The following KDM4C variants were observed in gnomAD, a reference collection of about 807,000 sequenced individuals.
The protein encoded by KDM4C is lysine demethylase 4C.
Under a neutral mutation model 129.3 loss-of-function variants are expected in KDM4C, and 81 were observed. That is an observed-to-expected ratio of 0.63 (90% CI 0.52 to 0.75). The LOEUF is 0.75. Ranked by LOEUF, KDM4C falls within the 30% of genes least tolerant of loss-of-function variation. The pLI, the probability that KDM4C is intolerant of heterozygous loss-of-function variation, is 0.00. For missense variants in KDM4C, 1,457 were observed against 1,304.0 expected (o/e 1.12, Z -1.81); for synonymous variants, 573 against 456.1 (o/e 1.26, Z -3.26).
intron 18 of KDM4C, among the ~76,000 whole-genome samples, chr9:7,120,057 A>G (rs1839328576): frequency 6.6e-6 from 1 of 151,968 alleles, no homozygotes; most frequent in Non-Finnish European, 1.5e-5. Flanking sequence ...ACCCCATCCC[A>G]TTCTAGTATT....
upstream of KDM4C, among the ~76,000 whole-genome samples, chr9:6,754,604 G>A (rs1321587294): frequency 2.0e-5 from 3 of 152,164 alleles, no homozygotes; most frequent in Non-Finnish European, 4.4e-5. Context: ...AGCCAGGGCA[G>A]TGGCTCACTC....
chr9:6,755,672 C>A (rs1267395611), upstream of KDM4C, among the ~76,000 whole-genome samples: 1 of 152,168 alleles, frequency 6.6e-6, no homozygotes, highest in Non-Finnish European at 1.5e-5. Context: ...GTTCATACAG[C>A]CTTCCATTAA....
chr9:7,162,409 C>G (rs1362819331), intron 19 of KDM4C, among the ~76,000 whole-genome samples: 1 of 152,130 alleles, frequency 6.6e-6, no homozygotes, highest in East Asian at 1.9e-4. Context: ...ACTGCCAATG[C>G]TGGATTAAGA....
At chr9:7,019,716 A>C (rs1563992904) in intron 15 of KDM4C, among the ~76,000 whole-genome samples, 2 of 111,658 alleles carry the variant, frequency 1.8e-5, no homozygotes, top group South Asian at 5.0e-4. Context: ...TATATATAAA[A>C]ATATAATATT....
chr9:6,835,127 A>T (rs1034793052), intron 4 of KDM4C: 12 of 999,668 alleles, frequency 1.2e-5, no homozygotes, highest in Non-Finnish European at 1.9e-5. Flanking sequence ...TTCGAGCAGG[A>T]GATGGCCATG....
chr9:6,884,801 T>C (rs1213454015), intron 6 of KDM4C, among the ~76,000 whole-genome samples: 4 of 152,220 alleles, frequency 2.6e-5, no homozygotes, highest in African/African-American at 7.2e-5. Flanking sequence ...TTTAATACTA[T>C]AGCGTGTGTT....
intron 8 of KDM4C, among the ~76,000 whole-genome samples, chr9:6,919,247 T>TTTCTTTCTTTCTTTC: frequency 2.4e-4 from 25 of 106,360 alleles, no homozygotes; most frequent in African/African-American, 7.8e-4. Context: ...TCTTTCTTTC[T>TTTCTTTCTTTCTTTC]TTTCTTTCTT....
intron 17 of KDM4C, among the ~76,000 whole-genome samples, chr9:7,063,334 C>G (rs979965669): frequency 6.6e-5 from 10 of 152,094 alleles, no homozygotes; most frequent in Non-Finnish European, 5.9e-5. Context: ...ATGGAAGATA[C>G]CAGCTTGACT....
chr9:6,950,427 A>G (rs1442216139), intron 8 of KDM4C, among the ~76,000 whole-genome samples: 1 of 152,054 alleles, frequency 6.6e-6, no homozygotes, highest in Non-Finnish European at 1.5e-5. Flanking sequence ...GCCTCTAGGT[A>G]TGGGGTAAAT....
chr9:6,896,904 G>C (rs1051668084), intron 8 of KDM4C, among the ~76,000 whole-genome samples: 2 of 152,130 alleles, frequency 1.3e-5, no homozygotes, highest in African/African-American at 4.8e-5. Context: ...ACTGGAGAGG[G>C]GGCTCCTGTG....
intron 2 of KDM4C, among the ~76,000 whole-genome samples, chr9:6,800,071 T>A (rs571129069): frequency 3.6e-3 from 538 of 150,388 alleles, no homozygotes; most frequent in Non-Finnish European, 5.5e-3. Flanking sequence ...AAAAAAAAAA[T>A]AAATAAATAA....
chr9:7,044,144 G>C (rs1443725846), intron 15 of KDM4C, among the ~76,000 whole-genome samples: 1 of 152,036 alleles, frequency 6.6e-6, no homozygotes, highest in African/African-American at 2.4e-5. Flanking sequence ...GAAAGTGTCA[G>C]TGGGAATGCC....
chr9:7,085,114 T>G (rs762566758), intron 17 of KDM4C, among the ~76,000 whole-genome samples: 1 of 152,146 alleles, frequency 6.6e-6, no homozygotes, highest in Non-Finnish European at 1.5e-5. Context: ...GGAAAGGCAC[T>G]CAGCACAGCA....
At chr9:7,113,311 A>C (rs1219467119) in intron 18 of KDM4C, among the ~76,000 whole-genome samples, 2 of 152,240 alleles carry the variant, frequency 1.3e-5, no homozygotes, top group African/African-American at 4.8e-5. Context: ...TTTGCCTGGA[A>C]GGAGGAATAT....
chr9:6,865,851 C>T (rs550953946), intron 5 of KDM4C, among the ~76,000 whole-genome samples: 71 of 152,070 alleles, frequency 4.7e-4, no homozygotes, highest in African/African-American at 1.6e-3. Flanking sequence ...CCCGGGTTCA[C>T]GCCATTCTCC....
intron 15 of KDM4C, among the ~76,000 whole-genome samples, chr9:7,024,130 A>G (rs1372740707): frequency 2.0e-5 from 3 of 152,082 alleles, no homozygotes; most frequent in Non-Finnish European, 4.4e-5. Flanking sequence ...TGTTCTGTAA[A>G]TATCTGTTAG....
chr9:7,028,200 C>T (rs1489737065), intron 15 of KDM4C, among the ~76,000 whole-genome samples: 1 of 152,000 alleles, frequency 6.6e-6, no homozygotes, highest in Non-Finnish European at 1.5e-5. Flanking sequence ...TGCTGACTTG[C>T]AACTAAAGTT....
chr9:6,804,999 C>G (rs1207619094), intron 2 of KDM4C, among the ~76,000 whole-genome samples: 2 of 151,948 alleles, frequency 1.3e-5, no homozygotes, highest in African/African-American at 4.8e-5. Flanking sequence ...CTCTTGGGTT[C>G]AAGCGATTCT....
At chr9:6,976,487 T>C (rs184726297) in intron 8 of KDM4C, among the ~76,000 whole-genome samples, 61 of 152,358 alleles carry the variant, frequency 4.0e-4, no homozygotes, top group Admixed American at 1.7e-3. Flanking sequence ...ATATAAACTG[T>C]TGGGTTCTTA....
Sources: gnomAD v4.1 joint callset for allele counts (sites outside exome capture counted in the v4.1 genomes callset) on GRCh38, gnomAD v4.1.1 for gene constraint, MANE v1.5 for transcripts, NCBI Gene and HGNC (gene_info 2026-07-23, HGNC 2026-07-21) for gene names.